The following NEGR1 variants were observed in gnomAD, a reference collection of about 807,000 sequenced individuals.
NEGR1 encodes neuronal growth regulator 1.
NEGR1 carries 10 observed loss-of-function variants against 40.9 expected under a neutral mutation model. The observed-to-expected ratio is 0.24, with a 90% confidence interval of 0.15 to 0.42. The LOEUF (loss-of-function observed/expected upper bound fraction) is 0.42. Ranked by LOEUF, NEGR1 falls within the 10% of genes least tolerant of loss-of-function variation. The pLI, the probability that NEGR1 is intolerant of heterozygous loss-of-function variation, is 1.00. For synonymous variants in NEGR1, 185 were observed against 166.8 expected (o/e 1.11, Z -0.84); for missense variants, 352 against 438.9 (o/e 0.80, Z 1.77).
intron 6 of NEGR1, among the ~76,000 whole-genome samples, chr1:71,459,951 G>A (rs1356909263): frequency 6.6e-6 from 1 of 152,012 alleles, no homozygotes; most frequent in Non-Finnish European, 1.5e-5. Flanking sequence ...TTTATTCATG[G>A]TACTTGTCAC....
chr1:72,193,886 A>C, intron 1 of NEGR1, among the ~76,000 whole-genome samples: 1 of 151,824 alleles, frequency 6.6e-6, no homozygotes, highest in South Asian at 2.1e-4. Flanking sequence ...AGCCCTATAG[A>C]TTAACCCCAA....
intron 1 of NEGR1, among the ~76,000 whole-genome samples, chr1:72,167,395 A>G (rs1651806298): frequency 6.6e-6 from 1 of 152,082 alleles, no homozygotes; most frequent in African/African-American, 2.4e-5. Flanking sequence ...TAACTGAATT[A>G]TAAGTGAGAA....
intron 6 of NEGR1, among the ~76,000 whole-genome samples, chr1:71,533,231 A>C (rs1387083100): frequency 6.6e-6 from 1 of 151,618 alleles, no homozygotes; most frequent in Non-Finnish European, 1.5e-5. Context: ...AACAGTTTAT[A>C]AGGTTTTCTT....
At chr1:72,036,533 G>A (rs1248011473) in intron 1 of NEGR1, among the ~76,000 whole-genome samples, 1 of 151,700 alleles carries the variant, frequency 6.6e-6, no homozygotes, top group East Asian at 1.9e-4. Context: ...GTGCGCGCCT[G>A]TAATCCCAGC....
chr1:71,494,182 A>G (rs1053314051), intron 6 of NEGR1, among the ~76,000 whole-genome samples: 3 of 152,158 alleles, frequency 2.0e-5, no homozygotes, highest in Non-Finnish European at 4.4e-5. Context: ...ACCACTTAAC[A>G]AGGTGATTTA....
chr1:71,644,004 A>G (rs1027695427), intron 4 of NEGR1, among the ~76,000 whole-genome samples: 1 of 151,940 alleles, frequency 6.6e-6, no homozygotes, highest in Non-Finnish European at 1.5e-5. Flanking sequence ...GTAATGGAGG[A>G]GAATTCTTTT....
At chr1:72,266,352 A>C (rs907974626) in intron 1 of NEGR1, among the ~76,000 whole-genome samples, 2 of 150,904 alleles carry the variant, frequency 1.3e-5, no homozygotes, top group Non-Finnish European at 3.0e-5. Context: ...ACAGTAGTTT[A>C]ATCCTCAGTA....
At chr1:71,482,590 C>A (rs1484645845) in intron 6 of NEGR1, among the ~76,000 whole-genome samples, 1 of 151,760 alleles carries the variant, frequency 6.6e-6, no homozygotes, top group Non-Finnish European at 1.5e-5. Context: ...CATAAGAATT[C>A]ATGTCATTAG....
intron 4 of NEGR1, among the ~76,000 whole-genome samples, chr1:71,675,140 T>C (rs1409195906): frequency 1.4e-5 from 2 of 141,922 alleles, no homozygotes; most frequent in Non-Finnish European, 3.1e-5. Flanking sequence ...CACACACATA[T>C]GAATTCTTAG....
intron 2 of NEGR1, among the ~76,000 whole-genome samples, chr1:71,876,110 T>G (rs1660421604): frequency 6.6e-6 from 1 of 152,168 alleles, no homozygotes; most frequent in African/African-American, 2.4e-5. Context: ...CGGACTTCCT[T>G]TGGGAGGGCA....
intron 1 of NEGR1, among the ~76,000 whole-genome samples, chr1:72,182,420 G>A (rs544912050): frequency 2.0e-5 from 3 of 152,082 alleles, no homozygotes; most frequent in African/African-American, 7.2e-5. Context: ...TTGAACCCGG[G>A]GGGTGGAGGT....
chr1:72,266,187 T>C (rs1198977667), intron 1 of NEGR1, among the ~76,000 whole-genome samples: 2 of 150,968 alleles, frequency 1.3e-5, no homozygotes, highest in Non-Finnish European at 3.0e-5. Context: ...TGACATAACA[T>C]TGTAATGAAC....
intron 6 of NEGR1, among the ~76,000 whole-genome samples, chr1:71,452,492 G>A (rs553565355): frequency 1.3e-5 from 2 of 152,276 alleles, no homozygotes; most frequent in East Asian, 3.9e-4. Context: ...TGCTTAGAGT[G>A]AGAAAAGATT....
chr1:71,800,973 A>C (rs1657535647), intron 2 of NEGR1, among the ~76,000 whole-genome samples: 1 of 152,116 alleles, frequency 6.6e-6, no homozygotes, highest in African/African-American at 2.4e-5. Flanking sequence ...TTTTCTCTTG[A>C]TTTCTTTCTA....
chr1:71,824,473 A>T (rs1341022414), intron 2 of NEGR1, among the ~76,000 whole-genome samples: 1 of 151,902 alleles, frequency 6.6e-6, no homozygotes, highest in Non-Finnish European at 1.5e-5. Flanking sequence ...ATTGAGCCTC[A>T]CTTTTCTCTT....
chr1:71,971,038 C>T (rs1380676499), intron 1 of NEGR1, among the ~76,000 whole-genome samples: 1 of 152,078 alleles, frequency 6.6e-6, no homozygotes, highest in African/African-American at 2.4e-5. Flanking sequence ...ACTCAGAGTG[C>T]CCCTAAATTT....
At chr1:71,875,450 G>A (rs896531463) in intron 2 of NEGR1, among the ~76,000 whole-genome samples, 4 of 152,142 alleles carry the variant, frequency 2.6e-5, no homozygotes, top group South Asian at 2.1e-4. Flanking sequence ...GAATTTAGCC[G>A]ATTCATGTTG....
At chr1:71,806,000 T>A (rs1019925396) in intron 2 of NEGR1, among the ~76,000 whole-genome samples, 2 of 152,150 alleles carry the variant, frequency 1.3e-5, no homozygotes, top group Admixed American at 6.6e-5. Flanking sequence ...TGCCACAAAT[T>A]TACCAAGAAA....
At chr1:71,987,841 C>T (rs1646410086) in intron 1 of NEGR1, among the ~76,000 whole-genome samples, 1 of 152,058 alleles carries the variant, frequency 6.6e-6, no homozygotes, top group Non-Finnish European at 1.5e-5. Flanking sequence ...TTTTTAGTTC[C>T]TTTTCTACAC....
Sources: allele counts gnomAD v4.1 joint callset (sites outside exome capture counted in the v4.1 genomes callset), GRCh38; gene constraint gnomAD v4.1.1; transcripts MANE v1.5; gene names NCBI Gene and HGNC (gene_info 2026-07-23, HGNC 2026-07-21).